Variants in METAP1 observed in about 807,000 individuals in gnomAD.
METAP1 encodes methionyl aminopeptidase 1, also known as methionine aminopeptidase 1.
A neutral mutation model predicts 53.8 loss-of-function variants in METAP1; 28 were observed. That is an observed-to-expected ratio of 0.52 (90% confidence interval 0.39 to 0.71). The LOEUF (loss-of-function observed/expected upper bound fraction) is 0.71. Among genes scored for constraint, METAP1 ranks in the 30% least tolerant of loss-of-function variants. METAP1 has a pLI of 0.00. For missense variants in METAP1, 389 were observed against 479.8 expected (o/e 0.81, Z 1.77); for synonymous variants, 181 against 165.7 (o/e 1.09, Z -0.71).
At chr4:99,000,826 C>T (rs1722886814) in intron 1 of METAP1, among the ~76,000 whole-genome samples, 1 of 151,898 alleles carries the variant, frequency 6.6e-6, no homozygotes, top group Non-Finnish European at 1.5e-5. Context: ...ACCTCAGCCT[C>T]CCAGGTAGCT....
intron 7 of METAP1, among the ~76,000 whole-genome samples, chr4:99,044,903 C>T (rs544879018): frequency 5.3e-5 from 8 of 152,270 alleles, no homozygotes; most frequent in African/African-American, 1.9e-4. Flanking sequence ...GTCCCACATA[C>T]ATTTTTCTTT....
Position 99,034,324 on chromosome 4 carries a change from C to G in METAP1, c.261C>G (p.Leu87=), listed in dbSNP as rs768995353. ...PWAGYRYTGK[L]RPHYPLMPTR... is the part of the protein sequence containing the mutation. ...CAGGTTATCGATATACTGGTAAACT[C>G]AGACCACATTATCCACTGGTGAGTA... is the stretch of plus-strand genomic sequence containing the variant. Residue 87 remains leucine (L), a synonymous_variant, in exon 3 of 11, where the codon CTC becomes CTG. Coordinates refer to ENST00000296411, the MANE Select transcript of METAP1 (RefSeq NM_015143.3). The G allele has an allele frequency of 6.6e-5, 101 of 1,531,506 alleles. No homozygotes were observed. The highest frequency in any genetic ancestry group is 7.9e-5 in the Non-Finnish European group (89 of 1,129,056). 94.9% of individuals were successfully genotyped at this position (1,531,506 alleles called of 1,614,324 possible).
intron 1 of METAP1, among the ~76,000 whole-genome samples, chr4:99,006,090 C>T (rs528374187): frequency 1.1e-4 from 16 of 152,294 alleles, no homozygotes; most frequent in African/African-American, 3.1e-4. Context: ...TTGTTGTTAA[C>T]AGACTTTTTA....
At chr4:99,015,903 G>A (rs1723733935) in intron 1 of METAP1, among the ~76,000 whole-genome samples, 2 of 152,178 alleles carry the variant, frequency 1.3e-5, no homozygotes, top group Admixed American at 6.5e-5. Flanking sequence ...AACTTGGTGG[G>A]ACTTGGCTCG....
intron 4 of METAP1, among the ~76,000 whole-genome samples, chr4:99,037,472 A>T (rs1725516313): frequency 6.6e-6 from 1 of 151,920 alleles, no homozygotes; most frequent in South Asian, 2.1e-4. Flanking sequence ...GTATATCTGA[A>T]ACTTACTTGG....
chr4:98,995,970 T>C, intron 1 of METAP1, 103 bp downstream of exon 1: 2 of 904,188 alleles, frequency 2.2e-6, no homozygotes, highest in Non-Finnish European at 3.4e-6. Context: ...GACGCGCTCC[T>C]CCTCTTCCCC....
chr4:99,022,369 A>G (rs907877997), intron 1 of METAP1: 7 of 891,378 alleles, frequency 7.9e-6, no homozygotes, highest in Non-Finnish European at 7.9e-6. Context: ...CGGGGCTCCA[A>G]AGATCCTGGC....
chr4:99,031,135 T>C (rs1274675628), intron 2 of METAP1, among the ~76,000 whole-genome samples: 1 of 141,890 alleles, frequency 7.0e-6, no homozygotes, highest in Non-Finnish European at 1.5e-5. Flanking sequence ...ACTTGTCATA[T>C]AGTAAAGAAG....
rs541782003 is a variant in METAP1, at chr4:99,016,034, T to G, written c.115-12833T>G. Reference sequence around the variant, plus strand: ...GGTCAATAACATGAGGTAGGATCCTTCCCAGGCTGGCTCGAGCCTTCCTTC... The same window carrying G: ...GGTCAATAACATGAGGTAGGATCCTGCCCAGGCTGGCTCGAGCCTTCCTTC... On this transcript the variant is annotated intron_variant, in intron 1 of 10. Coordinates refer to ENST00000296411, the MANE Select transcript of METAP1 (RefSeq NM_015143.3). Among the ~76,000 whole-genome samples the G allele has an allele frequency of 8.1e-4, 123 of 152,252 alleles. 2 individuals are homozygous for G. The highest frequency in any genetic ancestry group is 2.7e-3 in the African/African-American group (112 of 41,564).
At chr4:99,046,789 A>G (rs1726276679) in intron 8 of METAP1, among the ~76,000 whole-genome samples, 1 of 152,120 alleles carries the variant, frequency 6.6e-6, no homozygotes, top group African/African-American at 2.4e-5. Flanking sequence ...ATTTTAAAAC[A>G]TTAATACAGG....
chr4:98,997,298 T>C (rs553046505), intron 1 of METAP1: 23 of 152,886 alleles, frequency 1.5e-4, no homozygotes, highest in African/African-American at 5.3e-4. Context: ...TGTTTTTAGA[T>C]AGGATATGAT....
intron 9 of METAP1, among the ~76,000 whole-genome samples, chr4:99,057,529 C>G (rs1727242514): frequency 7.0e-6 from 1 of 142,556 alleles, no homozygotes; most frequent in African/African-American, 2.9e-5. Flanking sequence ...CTCTGTTTTC[C>G]TAGAGAACAC....
At chr4:99,022,723 G>A in intron 1 of METAP1, 1 of 1,544,070 alleles carries the variant, frequency 6.5e-7, no homozygotes, top group Non-Finnish European at 8.9e-7. Context: ...CATAATGGGA[G>A]GGGCTGCACC....
chr4:99,017,371 C>T (rs1723827419), intron 1 of METAP1, among the ~76,000 whole-genome samples: 1 of 152,210 alleles, frequency 6.6e-6, no homozygotes, highest in African/African-American at 2.4e-5. Context: ...CAGCCTTCGG[C>T]GGAATAGTTA....
chr4:99,044,475 A>G (rs754870720), intron 7 of METAP1, among the ~76,000 whole-genome samples: 6 of 152,254 alleles, frequency 3.9e-5, no homozygotes, highest in South Asian at 4.1e-4. Context: ...CTGTTTTTCA[A>G]ATATAAAGCC....
At chr4:99,052,027 T>C (rs1460640551) in intron 9 of METAP1, among the ~76,000 whole-genome samples, 1 of 152,232 alleles carries the variant, frequency 6.6e-6, no homozygotes, top group Non-Finnish European at 1.5e-5. Flanking sequence ...GGTAACTGTT[T>C]GGTTCTAGAC....
chr4:99,028,162 C>A (rs572769868), intron 1 of METAP1, among the ~76,000 whole-genome samples: 1 of 152,158 alleles, frequency 6.6e-6, no homozygotes, highest in Non-Finnish European at 1.5e-5. Flanking sequence ...TTGAATTATT[C>A]TTTTCCTTTA....
At chr4:99,006,787 G>A (rs185865267) in intron 1 of METAP1, among the ~76,000 whole-genome samples, 8 of 152,170 alleles carry the variant, frequency 5.3e-5, no homozygotes, top group African/African-American at 1.9e-4. Context: ...ATTTAGAATA[G>A]TCCTCATCTT....
chr4:99,034,223 C>T lies in METAP1; in HGVS notation c.167-7C>T. On this transcript the variant is annotated splice_polypyrimidine_tract_variant and splice_region_variant and intron_variant, in intron 2 of 10. Coordinates refer to ENST00000296411, the MANE Select transcript of METAP1 (RefSeq NM_015143.3). ...CTTCCTCTCATATCTATTCCTCCGT[C>T]TCCCAGAAGATGAAAAGGCGAAGCG... 6.6e-7 allele frequency: 1 copy of T among 1,509,402 alleles called. No individual in the cohort carries two copies. Among genetic ancestry groups the T allele is most frequent in the Non-Finnish European group, 9.0e-7 (1 of 1,108,758 alleles). 93.5% of individuals were successfully genotyped at this position (1,509,402 alleles called of 1,614,324 possible).
Sources: allele counts gnomAD v4.1 joint callset (sites outside exome capture counted in the v4.1 genomes callset), GRCh38; gene constraint gnomAD v4.1.1; transcripts MANE v1.5; gene names NCBI Gene and HGNC (gene_info 2026-07-23, HGNC 2026-07-21).